SULF2: variants seen among roughly 807,000 people sequenced by gnomAD.
The protein encoded by SULF2 is sulfatase 2.
In SULF2, 52 loss-of-function variants were observed where a neutral mutation model predicts 107.7. The ratio of observed to expected loss-of-function variants is 0.48; its 90% confidence interval spans 0.39 to 0.61. The LOEUF (loss-of-function observed/expected upper bound fraction) is 0.61. Ranked by LOEUF, SULF2 falls within the 20% of genes least tolerant of loss-of-function variation. SULF2 has a pLI of 0.00. For missense variants in SULF2, 993 were observed against 1,177.3 expected, an observed-to-expected ratio of 0.84 and a Z score of 2.29; for synonymous variants, 460 against 464.3, an observed-to-expected ratio of 0.99 and a Z score of 0.12.
In SULF2 at chr20:47,757,426, CTTTG is replaced by C. The variant is rs1288386550; in HGVS notation, c.-67_-64del. 1 of 1,490,222 alleles carries C rather than the reference CTTTG, an allele frequency of 6.7e-7. No homozygotes were observed. Among genetic ancestry groups the C allele is most frequent in the Non-Finnish European group, 9.0e-7 (1 of 1,109,542 alleles). The allele number at this position is 1,490,222 out of a possible 1,614,324, so 92.3% of individuals were successfully genotyped here. A position where few individuals can be genotyped will look rare whatever the true frequency, so the allele number is the denominator to read the frequency against. On this transcript the variant is annotated 5_prime_UTR_variant, in exon 2 of 21. Coordinates refer to ENST00000688720, the MANE Select transcript of SULF2 (RefSeq NM_001387048.1). ...CGGGAGTCTCAAGTTGCGTCTGTGG[CTTTG>C]TTTCTTTTCCCTCGTCCCTCTTCAC...
At chr20:47,786,267 G>A (rs1477667294), upstream of SULF2, 1 of 152,226 alleles carries the variant, frequency 6.6e-6, no homozygotes, top group East Asian at 1.9e-4. Context: ...ACGTGAATCT[G>A]CCTCTTTTCC....
chr20:47,772,524 C>T (rs1324642613), intron 1 of SULF2, among the ~76,000 whole-genome samples: 1 of 152,178 alleles, frequency 6.6e-6, no homozygotes, highest in African/African-American at 2.4e-5. Flanking sequence ...CCTTGAAGAC[C>T]ATAAAGGAGG....
intron 3 of SULF2, among the ~76,000 whole-genome samples, chr20:47,705,125 C>G (rs1488528446): frequency 1.3e-5 from 2 of 152,208 alleles, no homozygotes; most frequent in Non-Finnish European, 2.9e-5. Context: ...CATTAAATGA[C>G]TTGCCCATCA....
intron 10 of SULF2, among the ~76,000 whole-genome samples, chr20:47,675,907 A>C (rs2087624826): frequency 6.6e-6 from 1 of 151,894 alleles, no homozygotes; most frequent in Non-Finnish European, 1.5e-5. Flanking sequence ...TTATTCTGTC[A>C]CCCAAGCTGG....
At chr20:47,662,335 G>T (rs1871422379) in intron 17 of SULF2, among the ~76,000 whole-genome samples, 1 of 152,168 alleles carries the variant, frequency 6.6e-6, no homozygotes, top group Admixed American at 6.5e-5. Context: ...ACCGGTGAGG[G>T]ACTTAACCTA....
chr20:47,673,597 T>C (rs1190560177), intron 10 of SULF2, among the ~76,000 whole-genome samples: 1 of 152,042 alleles, frequency 6.6e-6, no homozygotes, highest in African/African-American at 2.4e-5. Flanking sequence ...TGTTCTCACC[T>C]GGAGGCTGAA....
chr20:47,764,285 GT>G (rs2090480156), intron 1 of SULF2, among the ~76,000 whole-genome samples: 1 of 152,218 alleles, frequency 6.6e-6, no homozygotes, highest in African/African-American at 2.4e-5. Flanking sequence ...GAAGGTACAG[GT>G]TTTTGTCATT....
At chr20:47,718,647 G>A (rs911687602) in intron 3 of SULF2, among the ~76,000 whole-genome samples, 4 of 152,276 alleles carry the variant, frequency 2.6e-5, no homozygotes, top group Middle Eastern at 3.4e-3. Context: ...GAACCAATGG[G>A]ATTTGCTGAT....
chr20:47,677,352 CAG>C (rs1388663633), intron 8 of SULF2, among the ~76,000 whole-genome samples: 4 of 152,002 alleles, frequency 2.6e-5, no homozygotes, highest in African/African-American at 9.7e-5. Flanking sequence ...GAGACACACA[CAG>C]TAGAAATGAC....
chr20:47,772,271 A>G (rs1300126479), intron 1 of SULF2, among the ~76,000 whole-genome samples: 1 of 152,142 alleles, frequency 6.6e-6, no homozygotes, highest in Non-Finnish European at 1.5e-5. Flanking sequence ...TCGATGGGGG[A>G]CTGTGCTGTG....
intron 3 of SULF2, among the ~76,000 whole-genome samples, chr20:47,711,114 C>G (rs528314375): frequency 2.6e-5 from 4 of 152,196 alleles, no homozygotes; most frequent in Non-Finnish European, 4.4e-5. Context: ...CTCCTGCAAC[C>G]AGAAACCACT....
At position 47,744,276 on chromosome 20, in the gene SULF2, G is replaced by A. The variant is rs1475749318; in HGVS notation, c.176-7334C>T. On this transcript the variant is annotated intron_variant, in intron 2 of 20. Transcript: ENST00000688720. The stretch of plus-strand genomic sequence containing the variant: ...CGGCTCACTGCAACCTCTACCTCCT[G>A]GGTTCAAGCGATTCTCCTGCCTCAG... 2.0e-5 allele frequency among the ~76,000 whole-genome samples: 3 copies of A among 152,098 alleles called. No individual in the cohort carries two copies. The East Asian group carries it at 5.8e-4, about 29-fold the overall frequency.
At chr20:47,747,344 G>A (rs755202280) in intron 2 of SULF2, among the ~76,000 whole-genome samples, 16 of 152,168 alleles carry the variant, frequency 1.1e-4, no homozygotes, top group Non-Finnish European at 1.6e-4. Context: ...AATAAGCATC[G>A]GGTTGTCAGA....
At chr20:47,716,118 T>G (rs1447624273) in intron 3 of SULF2, among the ~76,000 whole-genome samples, 1 of 152,214 alleles carries the variant, frequency 6.6e-6, no homozygotes, top group Non-Finnish European at 1.5e-5. Flanking sequence ...CAAAATTTAT[T>G]AAGGAACCCA....
intron 2 of SULF2, among the ~76,000 whole-genome samples, chr20:47,746,978 T>TAA (rs1555853776): frequency 1.1e-3 from 54 of 51,196 alleles, no homozygotes; most frequent in Middle Eastern, 9.8e-3. Context: ...AGAACTTAAA[T>TAA]AAATAAAAAA....
chr20:47,717,724 C>T (rs2089166757), intron 3 of SULF2, among the ~76,000 whole-genome samples: 1 of 152,128 alleles, frequency 6.6e-6, no homozygotes, highest in Non-Finnish European at 1.5e-5. Context: ...GGGCACTTTG[C>T]CTTTCTTGAA....
intron 1 of SULF2, among the ~76,000 whole-genome samples, chr20:47,776,740 C>T (rs1174478739): frequency 1.3e-5 from 2 of 152,186 alleles, no homozygotes; most frequent in African/African-American, 2.4e-5. Flanking sequence ...AGGTCCCTGC[C>T]GTGGCATAAA....
chr20:47,710,778 C>T (rs984262385), intron 3 of SULF2, among the ~76,000 whole-genome samples: 3 of 152,158 alleles, frequency 2.0e-5, no homozygotes, highest in Non-Finnish European at 2.9e-5. Context: ...CCTTCCTGCA[C>T]CCTGCTTCGT....
chr20:47,755,371 C>T (rs986642382), intron 2 of SULF2, among the ~76,000 whole-genome samples: 4 of 152,202 alleles, frequency 2.6e-5, no homozygotes, highest in Non-Finnish European at 5.9e-5. Flanking sequence ...TCTGCATACA[C>T]TGTTGGTTTT....
Sources: allele counts gnomAD v4.1 joint callset (sites outside exome capture counted in the v4.1 genomes callset), GRCh38; gene constraint gnomAD v4.1.1; transcripts MANE v1.5; gene names NCBI Gene and HGNC (gene_info 2026-07-23, HGNC 2026-07-21).